The following RYK variants were observed in gnomAD, a reference collection of about 807,000 sequenced individuals.
RYK encodes inactive tyrosine-protein kinase RYK.
RYK carries 21 observed loss-of-function variants against 70.2 expected under a neutral mutation model. The observed-to-expected ratio is 0.30, with a 90% confidence interval of 0.21 to 0.43. The LOEUF (loss-of-function observed/expected upper bound fraction) is 0.43, where lower values mean the gene tolerates loss of function less well. Among genes scored for constraint, RYK ranks in the 20% least tolerant of loss-of-function variants. RYK has a pLI of 1.00. For missense variants in RYK, 604 were observed against 753.3 expected, an observed-to-expected ratio of 0.80 and a Z score of 2.32; for synonymous variants, 267 against 278.0, an observed-to-expected ratio of 0.96 and a Z score of 0.39.
intron 1 of RYK, among the ~76,000 whole-genome samples, chr3:134,225,846 C>G (rs551983297): frequency 9.4e-5 from 14 of 149,260 alleles, no homozygotes; most frequent in Admixed American, 2.0e-4. Context: ...AACACAAGAC[C>G]CTCTCTCTTT....
rs765653693 is a variant in RYK, at chr3:134,191,959, C to T, written c.905G>A (p.Arg302Gln). ...ACTTCTCAAGTCGTTCTTCTCTATC[C>T]GCAAGGTAGGATAACCTAAGGAGCC... ...ATPITSYPTLRIEKNDLRSVT... is the reference protein window; with the variant it reads ...ATPITSYPTLQIEKNDLRSVT... Residue 302 changes from arginine to glutamine, a missense_variant, in exon 8 of 15, where the codon CGG (arginine) becomes CAG (glutamine). Arg to Gln is a conservative substitution (Grantham distance 43). Coordinates refer to ENST00000623711, the MANE Select transcript of RYK (RefSeq NM_002958.4). 49 of 1,612,916 alleles carry T rather than the reference C, an allele frequency of 3.0e-5. No individual in the cohort carries two copies. The South Asian group carries it at 4.0e-4, about 13-fold the overall frequency.
chr3:134,178,328 T>TGTG, intron 10 of RYK: 1 of 338,626 alleles, frequency 3.0e-6, no homozygotes, highest in South Asian at 4.5e-5. Flanking sequence ...TCCTGTGGGC[T>TGTG]GGATTCTCTG....
At chr3:134,229,169 T>C (rs2014987601) in intron 1 of RYK, among the ~76,000 whole-genome samples, 1 of 152,140 alleles carries the variant, frequency 6.6e-6, no homozygotes, top group Non-Finnish European at 1.5e-5. Context: ...AAACGTAGGA[T>C]AGAAGAGGCC....
chr3:134,193,253 A>G (rs1234505524), intron 7 of RYK, among the ~76,000 whole-genome samples: 5 of 150,602 alleles, frequency 3.3e-5, no homozygotes, highest in African/African-American at 7.3e-5. Flanking sequence ...GCGTGATCTC[A>G]GCTCACTGCA....
At position 134,209,799 on chromosome 3, in the gene RYK, T is replaced by C; in HGVS notation, c.485A>G (p.Lys162Arg). 1 of 1,512,870 alleles carries C rather than the reference T, an allele frequency of 6.6e-7. No individual in the cohort carries two copies. Among genetic ancestry groups the C allele is most frequent in the Non-Finnish European group, 8.8e-7 (1 of 1,133,516 alleles). The allele number at this position is 1,512,870 out of a possible 1,614,324, so 93.7% of individuals were successfully genotyped here. ...VFRVELSCTG[K>R]VDSEVMILMQ... Reference sequence around the variant, plus strand: ...TAGTATCATAACTTCAGAATCTACTTTGCCAGTACAGGAAAGCTCTACCCG... The same window carrying C: ...TAGTATCATAACTTCAGAATCTACTCTGCCAGTACAGGAAAGCTCTACCCG... Residue 162 changes from lysine (K) to arginine (R), a missense_variant, in exon 4 of 15, where the codon AAA (lysine) becomes AGA (arginine). By Grantham distance (26) the Lys-to-Arg change is conservative (BLOSUM62 2). This residue lies in a region of RYK where 466 missense variants were observed against 535.9 expected (regional missense o/e 0.87). Coordinates refer to ENST00000623711, the MANE Select transcript of RYK (RefSeq NM_002958.4).
At chr3:134,181,508 T>C (rs1012243318) in intron 10 of RYK, 1 of 152,238 alleles carries the variant, frequency 6.6e-6, no homozygotes, top group African/African-American at 2.4e-5. Flanking sequence ...CTGCCTTCTT[T>C]TTAGGTCCTC....
At chr3:134,250,068 A>G (rs72986432) in intron 1 of RYK, among the ~76,000 whole-genome samples, 2,864 of 152,108 alleles carry the variant, frequency 0.019, 79 homozygotes, top group African/African-American at 0.066. Context: ...AGTGACACAC[A>G]TAGAAAGCGT....
intron 13 of RYK, among the ~76,000 whole-genome samples, chr3:134,171,369 A>C (rs938932027): frequency 6.6e-6 from 1 of 152,228 alleles, no homozygotes. Flanking sequence ...GCTAATACCC[A>C]GCTGAAGAGA....
intron 1 of RYK, among the ~76,000 whole-genome samples, chr3:134,247,404 T>C (rs769729196): frequency 1.3e-5 from 2 of 152,114 alleles, no homozygotes; most frequent in African/African-American, 2.4e-5. Flanking sequence ...GCCTGCTGTG[T>C]TTGTCAAAAG....
At chr3:134,241,893 A>C (rs2015335333) in intron 1 of RYK, among the ~76,000 whole-genome samples, 1 of 152,182 alleles carries the variant, frequency 6.6e-6, no homozygotes, top group Admixed American at 6.5e-5. Context: ...AAAAGAGAAC[A>C]TATGTAAAGT....
At chr3:134,246,397 G>T (rs1026736940) in intron 1 of RYK, among the ~76,000 whole-genome samples, 1 of 114,420 alleles carries the variant, frequency 8.7e-6, no homozygotes, top group Non-Finnish European at 1.9e-5. Context: ...AAGCATTTCT[G>T]AAAACTAAAA....
At chr3:134,176,357 T>A (rs892609778) in intron 11 of RYK, among the ~76,000 whole-genome samples, 1 of 152,218 alleles carries the variant, frequency 6.6e-6, no homozygotes, top group South Asian at 2.1e-4. Context: ...CAAGGTAATA[T>A]TTCAAATGTT....
At chr3:134,206,730 C>T (rs867532276) in intron 5 of RYK, among the ~76,000 whole-genome samples, 34 of 152,084 alleles carry the variant, frequency 2.2e-4, no homozygotes, top group South Asian at 2.1e-4. Context: ...TGAAAATACT[C>T]TCCTCCACCC....
intron 1 of RYK, among the ~76,000 whole-genome samples, chr3:134,223,126 C>T (rs1272375918): frequency 6.6e-6 from 1 of 152,170 alleles, no homozygotes; most frequent in Non-Finnish European, 1.5e-5. Context: ...GGGAAGAACA[C>T]TATGTTTTTC....
At chr3:134,211,781 T>C (rs1248691027) in intron 2 of RYK, among the ~76,000 whole-genome samples, 174 bp from the exon 3 acceptor site, 1 of 152,154 alleles carries the variant, frequency 6.6e-6, no homozygotes, top group East Asian at 1.9e-4. Context: ...TTCAATTGGA[T>C]AAAAATTCAA....
intron 6 of RYK, among the ~76,000 whole-genome samples, chr3:134,198,594 G>C (rs892853807): frequency 6.6e-6 from 1 of 152,174 alleles, no homozygotes. Flanking sequence ...ACAATAAGCC[G>C]CAAGTGGGCC....
chr3:134,215,767 G>A (rs1240984787), intron 2 of RYK, among the ~76,000 whole-genome samples: 1 of 152,198 alleles, frequency 6.6e-6, no homozygotes, highest in African/African-American at 2.4e-5. Context: ...GCTAGGCGTG[G>A]TGGCTCACAC....
intron 13 of RYK, among the ~76,000 whole-genome samples, chr3:134,174,540 G>A (rs997427614): frequency 2.0e-5 from 3 of 152,078 alleles, no homozygotes; most frequent in African/African-American, 7.2e-5. Context: ...TATTCTATAG[G>A]ATTTTACATA....
At chr3:134,208,056 G>A (rs2014268556) in intron 4 of RYK, among the ~76,000 whole-genome samples, 1 of 152,122 alleles carries the variant, frequency 6.6e-6, no homozygotes, top group South Asian at 2.1e-4. Flanking sequence ...TGACTAGGGT[G>A]GCCAAAACCA....
Sources: allele counts gnomAD v4.1 joint callset (sites outside exome capture counted in the v4.1 genomes callset), GRCh38; gene constraint gnomAD v4.1.1; regional missense constraint gnomAD v4.1.1; transcripts MANE v1.5; gene names NCBI Gene and HGNC (gene_info 2026-07-23, HGNC 2026-07-21).